The following HMGCLL1 variants were observed in gnomAD, a reference collection of about 807,000 sequenced individuals.
HMGCLL1 encodes the protein 3-hydroxy-3-methylglutaryl-CoA lyase like 1.
A neutral mutation model predicts 39.1 loss-of-function variants in HMGCLL1; 36 were observed. The observed-to-expected ratio is 0.92, with a 90% CI of 0.71 to 1.22. The LOEUF (loss-of-function observed/expected upper bound fraction) is 1.22, where lower values mean the gene tolerates loss of function less well. HMGCLL1 is among the 50% of genes most tolerant of loss of function. The pLI, the probability that HMGCLL1 is intolerant of heterozygous loss-of-function variation, is 0.00. For synonymous variants in HMGCLL1, 149 were observed against 144.0 expected (o/e 1.03, Z -0.25); for missense variants, 451 against 416.5 (o/e 1.08, Z -0.72).
chr6:55,526,547 A>G (rs77939725), intron 3 of HMGCLL1, among the ~76,000 whole-genome samples: 1 of 152,114 alleles, frequency 6.6e-6, no homozygotes, highest in Non-Finnish European at 1.5e-5. Flanking sequence ...ATTGACATTT[A>G]TCTCCCTTGG....
intron 1 of HMGCLL1, among the ~76,000 whole-genome samples, chr6:55,559,300 A>G (rs1412306524): frequency 6.6e-6 from 1 of 152,168 alleles, no homozygotes; most frequent in Non-Finnish European, 1.5e-5. Flanking sequence ...AATTTGCTTA[A>G]CATTTCCTTA....
intron 7 of HMGCLL1, among the ~76,000 whole-genome samples, chr6:55,483,879 G>A (rs1007288348): frequency 1.3e-5 from 2 of 152,162 alleles, no homozygotes; most frequent in African/African-American, 4.8e-5. Context: ...ATTAATATCA[G>A]CTATTGTTAT....
At chr6:55,671,812 A>G in the HMGCLL1 span, among the ~76,000 whole-genome samples, 3 of 151,736 alleles carry the variant, frequency 2.0e-5, no homozygotes, top group African/African-American at 7.2e-5. Flanking sequence ...ATAGTCCATT[A>G]TTAGGGTATT....
intron 7 of HMGCLL1, among the ~76,000 whole-genome samples, chr6:55,481,672 ATT>A (rs11307027): frequency 2.5e-3 from 378 of 150,752 alleles, no homozygotes; most frequent in African/African-American, 8.7e-3. Context: ...GTTCCAACCT[ATT>A]TTTTTTTTGT....
chr6:55,662,885 C>CAGGT, the HMGCLL1 span, among the ~76,000 whole-genome samples: 1 of 151,636 alleles, frequency 6.6e-6, no homozygotes, highest in African/African-American at 2.4e-5. Flanking sequence ...TTGCTCTATT[C>CAGGT]AGGTAATCAA....
chr6:55,543,452 G>T (rs74207406), intron 1 of HMGCLL1, among the ~76,000 whole-genome samples: 49 of 84,660 alleles, frequency 5.8e-4, no homozygotes, highest in African/African-American at 2.6e-3. Context: ...TGATATATAT[G>T]ATATATATCA....
the HMGCLL1 span, among the ~76,000 whole-genome samples, chr6:55,627,049 G>GA: frequency 0.17 from 14,536 of 85,744 alleles, 1,544 homozygotes; most frequent in Non-Finnish European, 0.21. Context: ...CACTCCACCA[G>GA]AAAAAAAAAA....
intron 5 of HMGCLL1, among the ~76,000 whole-genome samples, chr6:55,507,634 C>T (rs1362552390): frequency 6.6e-6 from 1 of 151,788 alleles, no homozygotes; most frequent in African/African-American, 2.4e-5. Flanking sequence ...AGACTTTTCT[C>T]AGAGTTCTGT....
At chr6:55,474,445 G>GT (rs199836558) in intron 7 of HMGCLL1, among the ~76,000 whole-genome samples, 7 of 150,794 alleles carry the variant, frequency 4.6e-5, no homozygotes, top group South Asian at 4.2e-4. Context: ...ATTTCTATTA[G>GT]TTTTTTTTTC....
In HMGCLL1 at chr6:55,510,376, G is replaced by T. The variant is rs139033954; in HGVS notation, c.542+3672C>A. On this transcript the variant is annotated intron_variant, in intron 5 of 8. Transcript: ENST00000274901. ...TTGCGGCACTATTCACAATAGCAAA[G>T]ACTTGGAACCAACCCAAATGACCAA... Among the ~76,000 whole-genome samples, 1,059 of 151,698 alleles carry T rather than the reference G, an allele frequency of 7.0e-3. 12 individuals carry two copies. Among genetic ancestry groups the T allele is most frequent in the African/African-American group, 0.024 (988 of 41,384 alleles).
chr6:55,551,645 A>T (rs137976224), intron 1 of HMGCLL1, among the ~76,000 whole-genome samples: 1 of 152,098 alleles, frequency 6.6e-6, no homozygotes, highest in East Asian at 1.9e-4. Context: ...TGATGGCCTC[A>T]TCAGCAACCC....
chr6:55,602,257 C>A, the HMGCLL1 span, among the ~76,000 whole-genome samples: 1 of 151,960 alleles, frequency 6.6e-6, no homozygotes, highest in Non-Finnish European at 1.5e-5. Flanking sequence ...AGCTTGAAGA[C>A]TTTTTTTGTT....
chr6:55,486,096 T>C (rs1766012664), intron 7 of HMGCLL1, among the ~76,000 whole-genome samples: 1 of 149,186 alleles, frequency 6.7e-6, no homozygotes, highest in South Asian at 2.1e-4. Flanking sequence ...ACATACACAA[T>C]ATGTATGTGT....
chr6:55,632,942 G>C, the HMGCLL1 span, among the ~76,000 whole-genome samples: 5 of 152,092 alleles, frequency 3.3e-5, no homozygotes, highest in Non-Finnish European at 7.4e-5. Flanking sequence ...ACCACATAAA[G>C]CTGCATATAG....
intron 1 of HMGCLL1, among the ~76,000 whole-genome samples, chr6:55,577,774 C>T (rs572105947): frequency 5.9e-5 from 9 of 152,186 alleles, no homozygotes; most frequent in Non-Finnish European, 1.2e-4. Context: ...ATAAAAGTTA[C>T]ATCAGGAAGG....
chr6:55,504,768 T>C (rs1218114006), intron 5 of HMGCLL1, among the ~76,000 whole-genome samples: 1 of 151,744 alleles, frequency 6.6e-6, no homozygotes, highest in Non-Finnish European at 1.5e-5. Flanking sequence ...TGCTATTTCT[T>C]GTATGAATTA....
chr6:55,523,792 T>C (rs1768164120), intron 3 of HMGCLL1, among the ~76,000 whole-genome samples: 1 of 151,888 alleles, frequency 6.6e-6, no homozygotes, highest in South Asian at 2.1e-4. Flanking sequence ...AGAAACAAAA[T>C]TCAAAATGTA....
intron 4 of HMGCLL1, among the ~76,000 whole-genome samples, chr6:55,515,903 C>T (rs1484172922): frequency 6.6e-6 from 1 of 151,958 alleles, no homozygotes. Context: ...ATAGCTGCTG[C>T]AAAACCTATG....
At chr6:55,660,127 C>T in the HMGCLL1 span, among the ~76,000 whole-genome samples, 2 of 151,836 alleles carry the variant, frequency 1.3e-5, no homozygotes. Context: ...TTATGCACCT[C>T]ATACCCCTGC....
Sources: allele counts gnomAD v4.1 joint callset (sites outside exome capture counted in the v4.1 genomes callset), GRCh38; gene constraint gnomAD v4.1.1; transcripts MANE v1.5; gene names NCBI Gene and HGNC (gene_info 2026-07-23, HGNC 2026-07-21).